The following ADGRE2 variants were observed in gnomAD, a reference collection of about 807,000 sequenced individuals.
The protein encoded by ADGRE2 is adhesion G protein-coupled receptor E2, also known as CD97 antigen.
A neutral mutation model predicts 100.8 loss-of-function variants in ADGRE2; 83 were observed. The observed-to-expected ratio is 0.82, with a 90% CI of 0.69 to 0.99. The LOEUF (loss-of-function observed/expected upper bound fraction) is 0.99. Among genes scored for constraint, ADGRE2 ranks in the 50% least tolerant of loss-of-function variants. The probability of loss-of-function intolerance (pLI) is 0.00; values close to 1 mark genes in which losing one functional copy is unlikely to be tolerated. For missense variants in ADGRE2, 814 were observed against 1,035.7 expected, an observed-to-expected ratio of 0.79 and a Z score of 2.94; for synonymous variants, 355 against 413.0, an observed-to-expected ratio of 0.86 and a Z score of 1.70.
Position 14,755,735 on chromosome 19 carries a change from G to A in ADGRE2, c.1335C>T (p.Leu445=), listed in dbSNP as rs1407655463. 1 of 1,614,212 alleles carries A rather than the reference G, an allele frequency of 6.2e-7. No individual in the cohort carries two copies. The part of the protein sequence containing the change: ...GLLQDGSPIL[L]SDVISAFLSN... ...TCAGAAAGGCAGAGATCACATCTGA[G>A]AGCAGGATGGGGGAGCCGTCCTGCA... Residue 445 remains leucine, a synonymous_variant, in exon 13 of 21, where the codon CTC becomes CTT. Transcript: ENST00000315576.
intron 16 of ADGRE2, among the ~76,000 whole-genome samples, chr19:14,749,391 TATATA>T (rs879643153): frequency 2.3e-3 from 333 of 142,310 alleles, no homozygotes; most frequent in Non-Finnish European, 4.1e-3. Context: ...TATTTATAGT[TATATA>T]ATATAATTAT....
the ADGRE2 span, among the ~76,000 whole-genome samples, chr19:14,724,732 C>T: frequency 6.6e-6 from 1 of 152,316 alleles, no homozygotes; most frequent in South Asian, 2.1e-4. Flanking sequence ...TGCCATTGCA[C>T]TCCAGCCTGG....
chr19:14,743,732 A>G lies in ADGRE2; in HGVS notation c.2236T>C (p.Cys746Arg). The G allele has an allele frequency of 1.9e-6, 3 of 1,614,174 alleles. No homozygotes were observed. Among genetic ancestry groups the G allele is most frequent in the Non-Finnish European group, 2.5e-6 (3 of 1,180,028 alleles). Residue 746 changes from cysteine to arginine, a missense_variant, in exon 19 of 21, where the codon TGT (cysteine) becomes CGT (arginine). Transcript: ENST00000315576. The stretch of plus-strand genomic sequence containing the variant: ...GGACCCACCTGCAAGATGCCCAGAC[A>G]CCACGTGCAGCCCAGGATGAACAGC... Reference protein sequence around the residue: ...AQLFILGCTWCLGILQVGPAA... With the variant: ...AQLFILGCTWRLGILQVGPAA...
chr19:14,732,290 C>G (rs1344628081), downstream of ADGRE2: 1 of 143,122 alleles, frequency 7.0e-6, no homozygotes, highest in Non-Finnish European at 1.6e-5. Context: ...TAGGAATAAA[C>G]TATTTTTAAA....
intron 18 of ADGRE2, among the ~76,000 whole-genome samples, chr19:14,744,101 G>A (rs1019632330): frequency 2.0e-5 from 3 of 152,020 alleles, no homozygotes; most frequent in African/African-American, 2.4e-5. Context: ...AATTAGCCAG[G>A]TGTGGTCGGG....
At chr19:14,743,198 C>T (rs1043339059) in intron 20 of ADGRE2, among the ~76,000 whole-genome samples, 25 of 152,050 alleles carry the variant, frequency 1.6e-4, no homozygotes, top group Non-Finnish European at 1.2e-4. Context: ...CTAGGCCTCC[C>T]AAATGCTGGG....
rs1053253375 is a variant in ADGRE2, at chr19:14,736,096, C to G, written c.*140G>C. On this transcript the variant is annotated 3_prime_UTR_variant, in exon 21 of 21. Coordinates refer to ENST00000315576, the MANE Select transcript of ADGRE2 (RefSeq NM_013447.4). The stretch of plus-strand genomic sequence containing the variant: ...AGGAATTGAATGCCTAGCACGCCTT[C>G]CATAACATCCTTCATATTGCTGACA... 3.9e-6 allele frequency: 3 copies of G among 772,690 alleles called. No homozygotes were observed. In the African/African-American group the frequency reaches 5.3e-5, roughly 14 times the overall value. The allele number at this position is 772,690 out of a possible 1,614,324, so 47.9% of individuals were successfully genotyped here.
intron 10 of ADGRE2, 104 bp downstream of exon 10, chr19:14,765,216 C>G: frequency 8.6e-7 from 1 of 1,164,856 alleles, no homozygotes; most frequent in Non-Finnish European, 1.3e-6. Flanking sequence ...GACCAGCACC[C>G]ACTGCATTGG....
At chr19:14,753,144 G>T (rs2043356045) in intron 14 of ADGRE2, among the ~76,000 whole-genome samples, 1 of 151,992 alleles carries the variant, frequency 6.6e-6, no homozygotes. Context: ...CTGGGCTCAA[G>T]TGATCCTCCC....
rs371000833 is a variant in ADGRE2, at chr19:14,764,421, C to T, written c.1084+12G>A. The T allele has an allele frequency of 9.3e-6, 15 of 1,612,264 alleles. No individual in the cohort carries two copies. The highest frequency in any genetic ancestry group is 1.2e-5 in the Non-Finnish European group (14 of 1,179,568). On this transcript the variant is annotated intron_variant, in intron 11 of 20. Transcript: ENST00000315576. ...TGCAGAGCTGGAGTCTGGGGCAGAC[C>T]CAGGGACCTACCTGTGCCTGCAGGA...
chr19:14,744,111 G>C (rs1010696740), intron 18 of ADGRE2, among the ~76,000 whole-genome samples: 5 of 151,818 alleles, frequency 3.3e-5, no homozygotes, highest in African/African-American at 7.3e-5. Context: ...GTGTGGTCGG[G>C]GGGGCGCCTG....
intron 15 of ADGRE2, 36 bp from the exon 16 acceptor site, chr19:14,751,707 C>G: frequency 6.6e-7 from 1 of 1,519,078 alleles, no homozygotes; most frequent in African/African-American, 1.4e-5. Context: ...GAGCGGCGAT[C>G]AGATTTGAGT....
At chr19:14,776,623 G>T in intron 2 of ADGRE2, 103 bp downstream of exon 2, 2 of 1,334,680 alleles carry the variant, frequency 1.5e-6, no homozygotes, top group East Asian at 2.5e-5. Context: ...CTCCATCGCC[G>T]GCCCCACAGA....
At chr19:14,772,560 C>A in intron 4 of ADGRE2, 63 bp from the exon 5 acceptor site, 1 of 1,576,896 alleles carries the variant, frequency 6.3e-7, no homozygotes, top group Non-Finnish European at 8.7e-7. Context: ...GGCAGAGACC[C>A]CCGTCCTGAC....
chr19:14,738,624 T>C (rs2524378), intron 20 of ADGRE2, among the ~76,000 whole-genome samples: 115,461 of 152,050 alleles, frequency 0.76, 44,481 homozygotes, highest in African/African-American at 0.87. Context: ...GTGATCTGCC[T>C]GCCTCGGCCT....
intron 20 of ADGRE2, among the ~76,000 whole-genome samples, chr19:14,736,595 C>A (rs2042750093): frequency 6.8e-6 from 1 of 146,508 alleles, no homozygotes. Context: ...TATTTAGAAA[C>A]ATAGATATAT....
chr19:14,753,790 A>G (rs2043383833), intron 14 of ADGRE2, among the ~76,000 whole-genome samples: 1 of 50,242 alleles, frequency 2.0e-5, no homozygotes. Flanking sequence ...ACCCTGTCTA[A>G]AAAAAAAAAA....
intron 15 of ADGRE2, 131 bp downstream of exon 15, chr19:14,752,198 G>C (rs933197278): frequency 7.0e-6 from 8 of 1,146,708 alleles, no homozygotes; most frequent in South Asian, 1.4e-5. Context: ...CTCCCAAAGT[G>C]CTGGGATTAC....
intron 20 of ADGRE2, among the ~76,000 whole-genome samples, chr19:14,736,655 G>T (rs2042752114): frequency 7.1e-6 from 1 of 140,656 alleles, no homozygotes. Flanking sequence ...GAAATACATA[G>T]ATATTTCTAA....
Sources: gnomAD v4.1 joint callset for allele counts (sites outside exome capture counted in the v4.1 genomes callset) on GRCh38, gnomAD v4.1.1 for gene constraint, MANE v1.5 for transcripts, NCBI Gene and HGNC (gene_info 2026-07-23, HGNC 2026-07-21) for gene names.